The following BTAF1 variants were observed in gnomAD, a reference collection of about 807,000 sequenced individuals.
The protein encoded by BTAF1 is B-TFIID TATA-box binding protein associated factor 1.
BTAF1 carries 38 observed loss-of-function variants against 227.1 expected under a neutral mutation model. The observed-to-expected ratio is 0.17, with a 90% CI of 0.13 to 0.22. The LOEUF is 0.22. Among genes scored for constraint, BTAF1 ranks in the 10% least tolerant of loss-of-function variants. The pLI is 1.00. For synonymous variants in BTAF1, 742 were observed against 751.9 expected (o/e 0.99, Z 0.21); for missense variants, 1,598 against 2,204.0 (o/e 0.73, Z 5.51).
chr10:91,944,715 C>T (rs1365239083), intron 4 of BTAF1, among the ~76,000 whole-genome samples: 1 of 152,140 alleles, frequency 6.6e-6, no homozygotes, highest in Non-Finnish European at 1.5e-5. Flanking sequence ...ACCCTTTTAT[C>T]CTCTTACTTC....
At chr10:91,973,300 C>T (rs191679453) in intron 14 of BTAF1, among the ~76,000 whole-genome samples, 10 of 152,224 alleles carry the variant, frequency 6.6e-5, no homozygotes, top group Admixed American at 3.3e-4. Context: ...TTTGTCTAAC[C>T]CTCTCTGGTG....
intron 3 of BTAF1, among the ~76,000 whole-genome samples, 189 bp downstream of exon 3, chr10:91,940,255 A>G (rs1182391421): frequency 1.3e-5 from 2 of 152,144 alleles, no homozygotes; most frequent in Non-Finnish European, 1.5e-5. Flanking sequence ...ACTACTGGAT[A>G]TAGAAAATGT....
chr10:91,934,796 TC>T (rs1420002955), intron 1 of BTAF1, among the ~76,000 whole-genome samples: 5 of 152,182 alleles, frequency 3.3e-5, no homozygotes, highest in Non-Finnish European at 5.9e-5. Context: ...TTTTCCTTCT[TC>T]CGGGTATTTC....
At chr10:91,969,227 G>A (rs112191469) in intron 14 of BTAF1, among the ~76,000 whole-genome samples, 10 of 151,482 alleles carry the variant, frequency 6.6e-5, no homozygotes, top group African/African-American at 2.4e-4. Flanking sequence ...GCCACCTGCA[G>A]GCTATTTTTA....
At chr10:91,932,133 A>C (rs1185484351) in intron 1 of BTAF1, among the ~76,000 whole-genome samples, 2 of 152,144 alleles carry the variant, frequency 1.3e-5, no homozygotes, top group Non-Finnish European at 2.9e-5. Flanking sequence ...TAGGTTAGAG[A>C]GGAGTCTAAG....
chr10:92,019,404 C>A (rs538000760), intron 34 of BTAF1, among the ~76,000 whole-genome samples: 1 of 152,330 alleles, frequency 6.6e-6, no homozygotes, highest in South Asian at 2.1e-4. Flanking sequence ...TCATCCATTT[C>A]TGTGTCAGTG....
chr10:91,994,770 A>G (rs1054609052), intron 23 of BTAF1, 126 bp downstream of exon 23: 11 of 738,786 alleles, frequency 1.5e-5, no homozygotes, highest in African/African-American at 8.9e-5. Flanking sequence ...TTGCTGTGGT[A>G]TAACTAGATT....
chr10:91,990,345 CT>C (rs1408181613), intron 20 of BTAF1, among the ~76,000 whole-genome samples: 3 of 152,134 alleles, frequency 2.0e-5, no homozygotes, highest in Admixed American at 2.0e-4. Flanking sequence ...ATTCTCCCCC[CT>C]CTTACCCCCC....
rs150777276 is a variant in BTAF1, at chr10:92,002,186, T to C, written c.3660+4435T>C. Among the ~76,000 whole-genome samples, 966 of 152,256 alleles carry C rather than the reference T, an allele frequency of 6.3e-3. 17 individuals are homozygous for C. The highest frequency in any genetic ancestry group is 0.022 in the African/African-American group (917 of 41,542). ...CACTGTGGAAGAAAATATTAGTGAA[T>C]TTGAAGATACATAGCAATAGAAACA... On this transcript the variant is annotated intron_variant, in intron 25 of 37. Coordinates refer to ENST00000265990, the MANE Select transcript of BTAF1 (RefSeq NM_003972.3).
At chr10:91,996,998 T>G (rs1849184879) in intron 24 of BTAF1, 3 of 693,224 alleles carry the variant, frequency 4.3e-6, no homozygotes, top group Non-Finnish European at 6.6e-6. Flanking sequence ...CATATTATAC[T>G]AGATAATTAG....
chr10:92,008,311 T>A, intron 26 of BTAF1, 36 bp downstream of exon 26: 1 of 1,512,412 alleles, frequency 6.6e-7, no homozygotes. Context: ...TCCTTTCAAA[T>A]GAACCTTGAA....
intron 14 of BTAF1, among the ~76,000 whole-genome samples, chr10:91,970,907 A>G (rs1847250782): frequency 6.6e-6 from 1 of 152,192 alleles, no homozygotes; most frequent in African/African-American, 2.4e-5. Context: ...CTTCTTTTTG[A>G]TTCATATTTA....
intron 36 of BTAF1, 114 bp downstream of exon 36, chr10:92,026,865 G>A: frequency 8.6e-7 from 1 of 1,166,880 alleles, no homozygotes; most frequent in Non-Finnish European, 1.2e-6. Flanking sequence ...CATGTGTTAT[G>A]ACCTTGGACA....
chr10:91,977,622 A>G (rs550387599), intron 14 of BTAF1, among the ~76,000 whole-genome samples: 18 of 152,238 alleles, frequency 1.2e-4, no homozygotes, highest in African/African-American at 4.3e-4. Context: ...GGATGGTAAG[A>G]GTATTTTTAA....
Position 91,964,070 on chromosome 10 carries a change from C to A in BTAF1, c.1405-7C>A, listed in dbSNP as rs1464004701. On this transcript the variant is annotated splice_region_variant and splice_polypyrimidine_tract_variant and intron_variant, in intron 12 of 37. Coordinates refer to ENST00000265990, the MANE Select transcript of BTAF1 (RefSeq NM_003972.3). The stretch of plus-strand genomic sequence containing the variant: ...TTGATAACTTTTCTTGAAAACTGAT[C>A]TTATAGGTGCCCTTCATTATAAATA... 6.2e-7 allele frequency: 1 copy of A among 1,610,192 alleles called. No individual in the cohort carries two copies. The highest frequency in any genetic ancestry group is 1.1e-5 in the South Asian group (1 of 90,458).
At chr10:91,958,329 T>G (rs1455139332) in intron 8 of BTAF1, among the ~76,000 whole-genome samples, 1 of 152,192 alleles carries the variant, frequency 6.6e-6, no homozygotes, top group East Asian at 1.9e-4. Flanking sequence ...GTGCTGGGAT[T>G]ACAAGTGTGA....
rs750802057 is a variant in BTAF1 at position 92,024,854 on chromosome 10, A to G, written c.4962A>G (p.Lys1654=). 6.2e-7 allele frequency: 1 copy of G among 1,613,966 alleles called. No homozygotes were observed. The highest frequency in any genetic ancestry group is 8.5e-7 in the Non-Finnish European group (1 of 1,179,984). Residue 1654 remains lysine (K), a synonymous_variant, in exon 35 of 38, where the codon AAA becomes AAG. Coordinates refer to ENST00000265990, the MANE Select transcript of BTAF1 (RefSeq NM_003972.3). ...GGATACTGATATTCTGTCAGCTGAA[A>G]AGCATGCTTGATATAGTAGAGCATG... The part of the protein sequence containing the change: ...QHRILIFCQL[K]SMLDIVEHDL...
chr10:91,974,907 C>CT (rs1421891746), intron 14 of BTAF1, among the ~76,000 whole-genome samples: 7 of 152,144 alleles, frequency 4.6e-5, no homozygotes, highest in East Asian at 3.9e-4. Context: ...CAAGGTATAA[C>CT]TTTTTTTTGC....
intron 14 of BTAF1, among the ~76,000 whole-genome samples, chr10:91,973,671 G>A (rs1050464136): frequency 4.6e-5 from 7 of 151,568 alleles, no homozygotes; most frequent in Admixed American, 3.3e-4. Flanking sequence ...TTGGGAGGCC[G>A]AGGCGGGCGG....
Sources: allele counts gnomAD v4.1 joint callset (sites outside exome capture counted in the v4.1 genomes callset), GRCh38; gene constraint gnomAD v4.1.1; transcripts MANE v1.5; gene names NCBI Gene and HGNC (gene_info 2026-07-23, HGNC 2026-07-21).